The following CDC27 variants were observed in gnomAD, a reference collection of about 807,000 sequenced individuals.
CDC27 encodes cell division cycle protein 27 homolog.
A neutral mutation model predicts 109.7 loss-of-function variants in CDC27; 27 were observed. The observed-to-expected ratio is 0.25, with a 90% CI of 0.18 to 0.34. The LOEUF (loss-of-function observed/expected upper bound fraction) is 0.34, where lower values mean the gene tolerates loss of function less well. Ranked by LOEUF, CDC27 falls within the 10% of genes least tolerant of loss-of-function variation. The pLI, the probability that CDC27 is intolerant of heterozygous loss-of-function variation, is 1.00. For synonymous variants in CDC27, 266 were observed against 333.9 expected (o/e 0.80, Z 2.22); for missense variants, 579 against 960.2 (o/e 0.60, Z 5.25).
intron 4 of CDC27, among the ~76,000 whole-genome samples, chr17:47,158,620 A>ATT (rs376030802): frequency 4.3e-5 from 6 of 140,842 alleles, no homozygotes; most frequent in Admixed American, 7.2e-5. Context: ...ATTATTCTTA[A>ATT]TTTTTTTTTT....
chr17:47,122,546 T>C lies in CDC27; in HGVS notation c.2290A>G (p.Met764Val), dbSNP rs1422429789. 1.2e-6 allele frequency: 2 copies of C among 1,612,534 alleles called. No homozygotes were observed. The highest frequency in any genetic ancestry group is 2.2e-5 in the South Asian group (2 of 90,806). The change falls in exon 18 of 19, where the codon ATG (methionine) becomes GTG (valine). Residue 764 changes from methionine (M) to valine (V), a missense_variant. Coordinates refer to ENST00000066544, the MANE Select transcript of CDC27 (RefSeq NM_001256.6). ...TTGGCTCCTTTAGGATCTAAATCCA[T>C]AGCCCAAGAGAAATTCATCAGGGCG... ...HLALMNFSWA[M>V]DLDPKGANNQ...
chr17:47,136,591 G>A (rs1424653148), intron 14 of CDC27, among the ~76,000 whole-genome samples: 3 of 152,096 alleles, frequency 2.0e-5, no homozygotes, highest in Non-Finnish European at 4.4e-5. Flanking sequence ...TTATTCAGTT[G>A]ATAACAATAT....
chr17:47,149,077 C>CAAAAAAAAAAA (rs71138591), intron 9 of CDC27, among the ~76,000 whole-genome samples: 12 of 66,838 alleles, frequency 1.8e-4, no homozygotes, highest in South Asian at 4.8e-4. Flanking sequence ...GACTCTGTCT[C>CAAAAAAAAAAA]AAAAAAAAAA....
rs188999729 is a variant in CDC27, at chr17:47,174,157, T to G, written c.104-2093A>C. ...AGCAAATCCAGAGCAATCTGAAGTG[T>G]TGTGACACGGGTGGTTTCTTAGGCT... On this transcript the variant is annotated intron_variant, in intron 2 of 18. Coordinates refer to ENST00000066544, the MANE Select transcript of CDC27 (RefSeq NM_001256.6). Among the ~76,000 whole-genome samples, 108 of 152,340 alleles carry G rather than the reference T, an allele frequency of 7.1e-4. 1 individual carries two copies. The South Asian group carries it at 0.012, about 17-fold the overall frequency.
intron 12 of CDC27, among the ~76,000 whole-genome samples, chr17:47,141,526 T>C (rs529321284): frequency 1.2e-4 from 18 of 152,304 alleles, no homozygotes; most frequent in African/African-American, 4.3e-4. Flanking sequence ...TAACTCTGTA[T>C]ATTGCAGAAA....
chr17:47,130,234 G>A (rs1214284618), intron 15 of CDC27, among the ~76,000 whole-genome samples: 1 of 152,088 alleles, frequency 6.6e-6, no homozygotes, highest in African/African-American at 2.4e-5. Context: ...GGTGTCACAC[G>A]CCTGTAGTCC....
At chr17:47,144,055 G>T in intron 9 of CDC27, 73 bp from the exon 10 acceptor site, 2 of 500,606 alleles carry the variant, frequency 4.0e-6, no homozygotes, top group Non-Finnish European at 6.2e-6. Context: ...TTTCAATTTG[G>T]GTATATTTTA....
intron 9 of CDC27, among the ~76,000 whole-genome samples, chr17:47,149,717 G>A (rs1479221008): frequency 1.3e-5 from 2 of 152,076 alleles, no homozygotes; most frequent in Admixed American, 6.5e-5. Context: ...CACTTTGGGA[G>A]GCTGAGGCGG....
intron 10 of CDC27, among the ~76,000 whole-genome samples, 186 bp downstream of exon 10, chr17:47,143,694 GAAT>G (rs1238814788): frequency 6.6e-6 from 1 of 151,892 alleles, no homozygotes; most frequent in African/African-American, 2.4e-5. Context: ...AATTAAAAAA[GAAT>G]ATTATATAAT....
intron 1 of CDC27, among the ~76,000 whole-genome samples, chr17:47,183,737 C>T (rs116181606): frequency 2.8e-4 from 43 of 152,240 alleles, no homozygotes; most frequent in African/African-American, 8.7e-4. Flanking sequence ...GTAGGGGCTA[C>T]GTCTGTTTTT....
In CDC27 at chr17:47,122,525, C is replaced by T; in HGVS notation, c.2311G>A (p.Ala771Thr). 1 of 1,612,802 alleles carries T rather than the reference C, an allele frequency of 6.2e-7. No individual in the cohort carries two copies. The highest frequency in any genetic ancestry group is 8.5e-7 in the Non-Finnish European group (1 of 1,179,270). Residue 771 changes from alanine to threonine, a missense_variant, in exon 18 of 19, where the codon GCC (alanine) becomes ACC (threonine). Physicochemically the swap from Ala to Thr is moderately conservative, Grantham distance 58 (BLOSUM62 0). This residue lies in a region of CDC27 where 227 missense variants were observed against 363.6 expected (regional missense o/e 0.62). Coordinates refer to ENST00000066544, the MANE Select transcript of CDC27 (RefSeq NM_001256.6). ...ATTGCCTCTTTAATCTGGTTATTGG[C>T]TCCTTTAGGATCTAAATCCATAGCC... The part of the protein sequence containing the change: ...SWAMDLDPKG[A>T]NNQIKEAIDK...
intron 2 of CDC27, among the ~76,000 whole-genome samples, chr17:47,173,111 G>C (rs1375058930): frequency 6.6e-6 from 1 of 152,202 alleles, no homozygotes; most frequent in African/African-American, 2.4e-5. Context: ...AACCACTGTT[G>C]TAAAGTACAA....
At chr17:47,175,720 G>T (rs906941435) in intron 2 of CDC27, among the ~76,000 whole-genome samples, 3 of 152,156 alleles carry the variant, frequency 2.0e-5, no homozygotes, top group Admixed American at 2.0e-4. Flanking sequence ...GGAGGTAGAG[G>T]TACAAGAATC....
intron 4 of CDC27, among the ~76,000 whole-genome samples, chr17:47,167,610 G>A (rs2063688414): frequency 6.6e-6 from 1 of 152,126 alleles, no homozygotes; most frequent in Non-Finnish European, 1.5e-5. Flanking sequence ...TAATAAAAAC[G>A]AACTTTGAGT....
chr17:47,182,240 A>G (rs2064270466), intron 1 of CDC27, among the ~76,000 whole-genome samples: 1 of 152,246 alleles, frequency 6.6e-6, no homozygotes, highest in Non-Finnish European at 1.5e-5. Flanking sequence ...AATGCAAATG[A>G]GTAAAGTTAT....
intron 16 of CDC27, among the ~76,000 whole-genome samples, chr17:47,126,351 A>G (rs2062139729): frequency 6.6e-6 from 1 of 152,210 alleles, no homozygotes; most frequent in Non-Finnish European, 1.5e-5. Context: ...TAATTCAGCG[A>G]AGCCCCAAGC....
In CDC27 at chr17:47,129,302, T is replaced by A. The variant is rs2062244660; in HGVS notation, c.2160+91A>T. On this transcript the variant is annotated intron_variant, in intron 16 of 18. Transcript: ENST00000066544. ...CTTGGAAAAATGTCTCAGATCAAAA[T>A]TAAATAAATAACTTTCAGTTTATTG... is the stretch of plus-strand genomic sequence containing the variant. The A allele has an allele frequency of 2.3e-5, 24 of 1,033,228 alleles. No homozygotes were observed. In the South Asian group the frequency reaches 4.4e-4, roughly 19 times the overall value. 64.0% of individuals were successfully genotyped at this position (1,033,228 alleles called of 1,614,324 possible). A position where few individuals can be genotyped will look rare whatever the true frequency, so the allele number is the denominator to read the frequency against.
At chr17:47,180,225 A>G (rs1055242281) in intron 2 of CDC27, among the ~76,000 whole-genome samples, 1 of 152,260 alleles carries the variant, frequency 6.6e-6, no homozygotes, top group Non-Finnish European at 1.5e-5. Flanking sequence ...TCACTTTTGC[A>G]TAAGTGAATG....
chr17:47,173,862 G>A (rs2063893908), intron 2 of CDC27, among the ~76,000 whole-genome samples: 1 of 152,250 alleles, frequency 6.6e-6, no homozygotes, highest in Non-Finnish European at 1.5e-5. Flanking sequence ...GGAGGCTGAG[G>A]CAGGCAGATC....
Sources: allele counts gnomAD v4.1 joint callset (sites outside exome capture counted in the v4.1 genomes callset), GRCh38; gene constraint gnomAD v4.1.1; regional missense constraint gnomAD v4.1.1; transcripts MANE v1.5; gene names NCBI Gene and HGNC (gene_info 2026-07-23, HGNC 2026-07-21).